The following MAP4K3 variants were observed in gnomAD, a reference collection of about 807,000 sequenced individuals.
MAP4K3 encodes the protein mitogen-activated protein kinase kinase kinase kinase 3, also known as MAPK/ERK kinase kinase kinase 3.
MAP4K3 carries 94 observed loss-of-function variants against 143.5 expected under a neutral mutation model. That is an observed-to-expected ratio of 0.65 (90% CI 0.55 to 0.78). The LOEUF (loss-of-function observed/expected upper bound fraction) is 0.78, where lower values mean the gene tolerates loss of function less well. Among genes scored for constraint, MAP4K3 ranks in the 30% least tolerant of loss-of-function variants. The probability of loss-of-function intolerance (pLI) is 0.00; values close to 1 mark genes in which losing one functional copy is unlikely to be tolerated. For missense variants in MAP4K3, 1,077 were observed against 1,068.1 expected, an observed-to-expected ratio of 1.01 and a Z score of -0.12; for synonymous variants, 416 against 347.2, an observed-to-expected ratio of 1.20 and a Z score of -2.20.
At chr2:39,432,018 G>A (rs188883357) in intron 1 of MAP4K3, among the ~76,000 whole-genome samples, 1 of 152,306 alleles carries the variant, frequency 6.6e-6, no homozygotes, top group Admixed American at 6.5e-5. Context: ...TGATATAAAT[G>A]AGGAAACCAA....
At chr2:39,356,189 G>A (rs774025105) in intron 3 of MAP4K3, 60 bp downstream of exon 3, 1 of 954,702 alleles carries the variant, frequency 1.0e-6, no homozygotes, top group Non-Finnish European at 1.6e-6. Context: ...ACTTTATTTT[G>A]TTTAATGCAT....
At chr2:39,361,256 T>C (rs1266561945) in intron 2 of MAP4K3, among the ~76,000 whole-genome samples, 3 of 152,084 alleles carry the variant, frequency 2.0e-5, no homozygotes, top group African/African-American at 7.2e-5. Flanking sequence ...AATATGATAT[T>C]ATAATAATAT....
chr2:39,327,681 T>C (rs1464817268), intron 8 of MAP4K3, among the ~76,000 whole-genome samples: 2 of 152,240 alleles, frequency 1.3e-5, no homozygotes, highest in Non-Finnish European at 2.9e-5. Context: ...TAAAATCTTT[T>C]AAATCTGAAA....
chr2:39,356,877 A>G (rs1224361354), intron 2 of MAP4K3, among the ~76,000 whole-genome samples: 2 of 152,192 alleles, frequency 1.3e-5, no homozygotes, highest in African/African-American at 4.8e-5. Flanking sequence ...TTTAGCACAA[A>G]GAAGTAATTC....
At chr2:39,288,586 T>C (rs545845291) in intron 19 of MAP4K3, among the ~76,000 whole-genome samples, 57 of 152,350 alleles carry the variant, frequency 3.7e-4, no homozygotes, top group African/African-American at 1.3e-3. Flanking sequence ...AAAAATATTT[T>C]AGTCTTTCTT....
At chr2:39,336,897 T>G in intron 6 of MAP4K3, 23 bp downstream of exon 6, 1 of 1,008,594 alleles carries the variant, frequency 9.9e-7, no homozygotes, top group Non-Finnish European at 1.4e-6. Context: ...AGAGGGTTAT[T>G]ATGTTAAAAA....
intron 29 of MAP4K3, among the ~76,000 whole-genome samples, chr2:39,259,081 A>C (rs1680458290): frequency 6.6e-6 from 1 of 151,642 alleles, no homozygotes; most frequent in Non-Finnish European, 1.5e-5. Context: ...CAGCCTTGAA[A>C]TCCTGGCCTC....
chr2:39,411,844 TG>T (rs1185560234), intron 1 of MAP4K3, among the ~76,000 whole-genome samples: 1 of 152,206 alleles, frequency 6.6e-6, no homozygotes, highest in Non-Finnish European at 1.5e-5. Flanking sequence ...CATATCTACA[TG>T]GTGACTAAAT....
At chr2:39,292,421 C>T (rs1473211340) in intron 18 of MAP4K3, among the ~76,000 whole-genome samples, 1 of 152,102 alleles carries the variant, frequency 6.6e-6, no homozygotes, top group South Asian at 2.1e-4. Context: ...ATCACTCTTA[C>T]CCCTGATCCC....
rs781103218 is a variant in MAP4K3, at chr2:39,258,541, A to C, written c.2355T>G (p.Asp785Glu). The change falls in exon 30 of 34, where the codon GAT becomes GAG. Residue 785 changes from aspartate to glutamate, a missense_variant. Transcript: ENST00000263881. The stretch of plus-strand genomic sequence containing the variant: ...TACAGTCCAAGCATACAAGGATGGT[A>C]TCTCTCTCCAGTTGGGTTACATGAG... The part of the protein sequence containing the change: ...NVTHVTQLER[D>E]TILVCLDCCI... The C allele has an allele frequency of 6.2e-7, 1 of 1,613,716 alleles. No homozygotes were observed. Among genetic ancestry groups the C allele is most frequent in the Non-Finnish European group, 8.5e-7 (1 of 1,179,594 alleles).
chr2:39,289,049 C>G (rs959373294), intron 19 of MAP4K3, among the ~76,000 whole-genome samples: 8 of 151,858 alleles, frequency 5.3e-5, no homozygotes, highest in African/African-American at 1.9e-4. Context: ...GAGACTCCAT[C>G]TCAAAACAAA....
At chr2:39,267,282 T>C (rs770221605) in intron 26 of MAP4K3, 35 bp from the exon 27 acceptor site, 72 of 1,495,272 alleles carry the variant, frequency 4.8e-5, no homozygotes, top group Non-Finnish European at 6.4e-5. Context: ...GTAATATATG[T>C]AGGCAAACTT....
Position 39,423,880 on chromosome 2 carries a change from G to T in MAP4K3, c.96+13012C>A, listed in dbSNP as rs750065817. On this transcript the variant is annotated intron_variant, in intron 1 of 33. Coordinates refer to ENST00000263881, the MANE Select transcript of MAP4K3 (RefSeq NM_003618.4). The stretch of plus-strand genomic sequence containing the variant: ...AAGCACAGAAAATGTGCAACACAGA[G>T]TGATGCCTAATGTATGTAAACTATG... 2.6e-5 allele frequency among the ~76,000 whole-genome samples: 4 copies of T among 152,236 alleles called. No individual in the cohort carries two copies. The East Asian group carries it at 7.7e-4, about 29-fold the overall frequency.
chr2:39,390,377 C>G (rs1038277874), intron 1 of MAP4K3, among the ~76,000 whole-genome samples: 2 of 152,198 alleles, frequency 1.3e-5, no homozygotes, highest in Non-Finnish European at 2.9e-5. Context: ...ATACAAACCA[C>G]TTGTAGATCT....
chr2:39,363,992 TAAAAAA>T (rs70957104), intron 2 of MAP4K3, among the ~76,000 whole-genome samples: 26 of 129,136 alleles, frequency 2.0e-4, no homozygotes, highest in African/African-American at 3.4e-4. Flanking sequence ...ATAGCCATTA[TAAAAAA>T]AAAAAAAAAA....
chr2:39,336,821 C>T, intron 6 of MAP4K3, 99 bp downstream of exon 6: 1 of 482,918 alleles, frequency 2.1e-6, no homozygotes, highest in Non-Finnish European at 3.7e-6. Context: ...GGTAACATTT[C>T]AGATGCATTT....
At chr2:39,271,040 A>G (rs1042992608) in intron 26 of MAP4K3, among the ~76,000 whole-genome samples, 2 of 152,140 alleles carry the variant, frequency 1.3e-5, no homozygotes, top group Non-Finnish European at 2.9e-5. Flanking sequence ...AGCTGAACAC[A>G]TGGGGAAAGG....
At chr2:39,326,308 T>G in intron 8 of MAP4K3, 31 bp from the exon 9 acceptor site, 2 of 1,608,756 alleles carry the variant, frequency 1.2e-6, no homozygotes, top group Non-Finnish European at 1.7e-6. Context: ...AATAAAAAAC[T>G]TCTGTTATAT....
chr2:39,262,939 T>C (rs1434682805), intron 28 of MAP4K3, among the ~76,000 whole-genome samples: 1 of 151,938 alleles, frequency 6.6e-6, no homozygotes, highest in Non-Finnish European at 1.5e-5. Context: ...ACCCCATCTC[T>C]ACTAAAAATA....
Sources: gnomAD v4.1 joint callset for allele counts (sites outside exome capture counted in the v4.1 genomes callset) on GRCh38, gnomAD v4.1.1 for gene constraint, MANE v1.5 for transcripts, NCBI Gene and HGNC (gene_info 2026-07-23, HGNC 2026-07-21) for gene names.